RASAL2: variants seen among roughly 807,000 people sequenced by gnomAD.
The protein encoded by RASAL2 is RAS protein activator like 2.
Under a neutral mutation model 128.9 loss-of-function variants are expected in RASAL2, and 58 were observed. The observed-to-expected ratio is 0.45, with a 90% CI of 0.36 to 0.56. The LOEUF is 0.56. Ranked by LOEUF, RASAL2 falls within the 20% of genes least tolerant of loss-of-function variation. RASAL2 has a pLI of 0.00. For missense variants in RASAL2, 1,360 were observed against 1,601.6 expected (o/e 0.85, Z 2.57); for synonymous variants, 561 against 580.8 (o/e 0.97, Z 0.49).
intron 1 of RASAL2, among the ~76,000 whole-genome samples, chr1:178,203,937 G>T (rs1046228468): frequency 6.6e-6 from 1 of 152,202 alleles, no homozygotes; most frequent in African/African-American, 2.4e-5. Flanking sequence ...CTTCAGGAAT[G>T]AAGGTTTGGG....
At chr1:178,331,583 CTTTTTT>C (rs71731643) in intron 3 of RASAL2, among the ~76,000 whole-genome samples, 17 of 110,218 alleles carry the variant, frequency 1.5e-4, no homozygotes, top group Non-Finnish European at 2.8e-4. Flanking sequence ...CTTCATGCAT[CTTTTTT>C]TTTTTTTTTT....
At position 178,466,046 on chromosome 1, in the gene RASAL2, C is replaced by T. The variant is rs764542381; in HGVS notation, c.3514C>T (p.Arg1172Ter). 3.8e-6 allele frequency: 6 copies of T among 1,581,932 alleles called. No homozygotes were observed. The highest frequency in any genetic ancestry group is 1.8e-5 in the Admixed American group (1 of 56,300). The change falls in exon 16 of 18, where the codon CGA becomes TGA. Residue 1172 changes from arginine to a stop codon, truncating the protein, a stop_gained. Transcript: ENST00000367649. LOFTEE classifies it high-confidence loss of function. ...GAAGCTGCTGCTGGAATACAAGGCCCGACTGGAGGACAGCGAGGAGCGGCT... is the reference window on the plus strand; with the variant it reads ...GAAGCTGCTGCTGGAATACAAGGCCTGACTGGAGGACAGCGAGGAGCGGCT... ...MQKLLLEYKA[R>*]LEDSEERLRR...
chr1:178,276,980 C>G (rs56872570), intron 1 of RASAL2, among the ~76,000 whole-genome samples: 1 of 151,568 alleles, frequency 6.6e-6, no homozygotes, highest in Non-Finnish European at 1.5e-5. Flanking sequence ...AACCCCATCT[C>G]TACTAAAAAT....
At chr1:178,310,559 C>T (rs966290351) in intron 3 of RASAL2, among the ~76,000 whole-genome samples, 6 of 152,050 alleles carry the variant, frequency 3.9e-5, no homozygotes, top group African/African-American at 1.2e-4. Flanking sequence ...CTCTTATGAG[C>T]TAGATTTTGA....
intron 1 of RASAL2, among the ~76,000 whole-genome samples, chr1:178,219,644 AAAAG>A (rs538799578): frequency 0.017 from 2,526 of 151,520 alleles, 57 homozygotes; most frequent in African/African-American, 0.053. Context: ...AAAAAAAAAA[AAAAG>A]AAAGAAAGAA....
intron 1 of RASAL2, among the ~76,000 whole-genome samples, chr1:178,255,164 T>C (rs1004306758): frequency 1.3e-5 from 2 of 151,942 alleles, no homozygotes; most frequent in African/African-American, 4.8e-5. Context: ...CTGAGACAAA[T>C]TGTCACCAGC....
intron 3 of RASAL2, among the ~76,000 whole-genome samples, chr1:178,384,853 T>C (rs1271860776): frequency 6.6e-6 from 1 of 152,090 alleles, no homozygotes; most frequent in Non-Finnish European, 1.5e-5. Context: ...GGTAACTAAT[T>C]CTAAAAATGA....
intron 1 of RASAL2, among the ~76,000 whole-genome samples, chr1:178,103,848 G>T (rs1658993767): frequency 6.6e-6 from 1 of 151,992 alleles, no homozygotes; most frequent in South Asian, 2.1e-4. Context: ...ATGAAGAAAT[G>T]ATTCTTACAC....
intron 1 of RASAL2, among the ~76,000 whole-genome samples, chr1:178,208,423 G>T (rs1047575937): frequency 2.0e-5 from 3 of 152,066 alleles, no homozygotes; most frequent in Admixed American, 1.3e-4. Flanking sequence ...TTGAGATAAG[G>T]ACTGAGATAC....
chr1:178,175,090 A>G (rs544889805), intron 1 of RASAL2, among the ~76,000 whole-genome samples: 1 of 152,256 alleles, frequency 6.6e-6, no homozygotes, highest in East Asian at 1.9e-4. Context: ...GGAATTAACT[A>G]CTTAACAAAA....
intron 3 of RASAL2, among the ~76,000 whole-genome samples, chr1:178,357,348 T>C (rs1670862920): frequency 6.6e-6 from 1 of 151,840 alleles, no homozygotes; most frequent in African/African-American, 2.4e-5. Flanking sequence ...GTTGTTTCAG[T>C]GCTTTTTTTT....
At chr1:178,329,003 C>T (rs1669168547) in intron 3 of RASAL2, among the ~76,000 whole-genome samples, 1 of 152,134 alleles carries the variant, frequency 6.6e-6, no homozygotes, top group Admixed American at 6.6e-5. Flanking sequence ...GGAGTACAGC[C>T]TTTCATTCCT....
chr1:178,112,008 T>A (rs970298007), intron 1 of RASAL2, among the ~76,000 whole-genome samples: 3 of 152,184 alleles, frequency 2.0e-5, no homozygotes, highest in African/African-American at 7.2e-5. Flanking sequence ...GAATTACAGA[T>A]GTGAGCTACC....
chr1:178,371,345 C>CAAAT (rs1553222417), intron 3 of RASAL2, among the ~76,000 whole-genome samples: 12 of 146,002 alleles, frequency 8.2e-5, no homozygotes, highest in African/African-American at 2.9e-4. Context: ...CACACACACA[C>CAAAT]ACACACAAAT....
At chr1:178,390,403 T>C (rs1285356477) in intron 4 of RASAL2, among the ~76,000 whole-genome samples, 197 bp downstream of exon 4, 2 of 152,116 alleles carry the variant, frequency 1.3e-5, no homozygotes, top group South Asian at 4.1e-4. Flanking sequence ...TTTTTGAGAC[T>C]GAGTCTCACT....
At position 178,213,867 on chromosome 1, in the gene RASAL2, A is replaced by G. The variant is rs189999735; in HGVS notation, c.203-69697A>G. Among the ~76,000 whole-genome samples the G allele has an allele frequency of 3.3e-5, 5 of 151,856 alleles. 1 individual carries two copies. Among genetic ancestry groups the G allele is most frequent in the Admixed American group, 3.3e-4 (5 of 15,260 alleles). On this transcript the variant is annotated intron_variant, in intron 1 of 17. Coordinates refer to ENST00000367649, the MANE Select transcript of RASAL2 (RefSeq NM_170692.4). ...TACATGAGAACTCACTGAACTTTTTACTATAGATATGAGGACTTTATATAG... is the reference window on the plus strand; with the variant it reads ...TACATGAGAACTCACTGAACTTTTTGCTATAGATATGAGGACTTTATATAG...
chr1:178,317,325 TTCTC>T (rs1281093824), intron 3 of RASAL2, among the ~76,000 whole-genome samples: 1 of 147,090 alleles, frequency 6.8e-6, no homozygotes. Flanking sequence ...TTAGGGAGGA[TTCTC>T]TCTTTTTCTA....
At chr1:178,389,223 G>T in intron 3 of RASAL2, 1 of 968,930 alleles carries the variant, frequency 1.0e-6, no homozygotes, top group Non-Finnish European at 1.2e-6. Flanking sequence ...CCTTGTCCAT[G>T]TTGAGATTAT....
intron 4 of RASAL2, 33 bp from the exon 5 acceptor site, chr1:178,420,478 C>A: frequency 6.9e-7 from 1 of 1,459,310 alleles, no homozygotes; most frequent in East Asian, 2.3e-5. Context: ...CCTTTTGGTT[C>A]TCTCTCCCAT....
Sources: gnomAD v4.1 joint callset for allele counts (sites outside exome capture counted in the v4.1 genomes callset) on GRCh38, gnomAD v4.1.1 for gene constraint, MANE v1.5 for transcripts, NCBI Gene and HGNC (gene_info 2026-07-23, HGNC 2026-07-21) for gene names.